The following SH2D4B variants were observed in gnomAD, a reference collection of about 807,000 sequenced individuals.
The protein encoded by SH2D4B is SH2 domain-containing protein 4B.
In SH2D4B, 45 loss-of-function variants were observed where a neutral mutation model predicts 61.5. The ratio of observed to expected loss-of-function variants is 0.73; its 90% CI spans 0.58 to 0.94. SH2D4B has a LOEUF of 0.94. Ranked by LOEUF, SH2D4B falls within the 40% of genes least tolerant of loss-of-function variation. The pLI is 0.00. For synonymous variants in SH2D4B, 224 were observed against 220.4 expected, an observed-to-expected ratio of 1.02 and a Z score of -0.14; for missense variants, 572 against 574.2, an observed-to-expected ratio of 1.00 and a Z score of 0.04.
intron 5 of SH2D4B, among the ~76,000 whole-genome samples, chr10:80,604,845 G>A (rs749557544): frequency 6.6e-5 from 10 of 151,162 alleles, no homozygotes; most frequent in Non-Finnish European, 1.5e-4. Flanking sequence ...CCAGGCTGGA[G>A]TGCAGTGGCG....
At chr10:80,586,247 T>C (rs1193101965) in intron 3 of SH2D4B, among the ~76,000 whole-genome samples, 1 of 152,076 alleles carries the variant, frequency 6.6e-6, no homozygotes, top group Non-Finnish European at 1.5e-5. Context: ...ACCCAAGAGC[T>C]GAGGAGTGTG....
intron 1 of SH2D4B, among the ~76,000 whole-genome samples, chr10:80,569,221 C>T (rs1842008020): frequency 1.3e-5 from 2 of 152,194 alleles, no homozygotes; most frequent in African/African-American, 4.8e-5. Context: ...ACACCACCAC[C>T]TGATTCCTTG....
chr10:80,567,096 T>C (rs1841979686), intron 1 of SH2D4B, among the ~76,000 whole-genome samples: 1 of 152,212 alleles, frequency 6.6e-6, no homozygotes, highest in Admixed American at 6.5e-5. Context: ...TTTCGAATAT[T>C]GGATCATGGA....
At chr10:80,562,919 T>TGTTTTTTTG (rs1564769032) in intron 1 of SH2D4B, among the ~76,000 whole-genome samples, 1 of 113,220 alleles carries the variant, frequency 8.8e-6, no homozygotes, top group Non-Finnish European at 1.8e-5. Context: ...TTTTTTTTTT[T>TGTTTTTTTG]GAGACGGAGT....
rs1842687322 is a variant in SH2D4B at position 80,618,957 on chromosome 10, G to C, written c.988+9406G>C. On this transcript the variant is annotated intron_variant, in intron 6 of 7. Transcript: ENST00000646907. The stretch of plus-strand genomic sequence containing the variant: ...GGATTTATGGCTCTGTTATTGCAGA[G>C]TGTCTTCTGAAAGTATACTTACAAT... Among the ~76,000 whole-genome samples the C allele has an allele frequency of 2.0e-5, 3 of 152,336 alleles. No homozygotes were observed. In the South Asian group the frequency reaches 6.2e-4, roughly 32 times the overall value.
chr10:80,593,405 C>G (rs1254422117), intron 4 of SH2D4B, among the ~76,000 whole-genome samples: 1 of 152,180 alleles, frequency 6.6e-6, no homozygotes, highest in Admixed American at 6.5e-5. Flanking sequence ...AGTGTAGAAG[C>G]CTTGCCCTTG....
intron 1 of SH2D4B, among the ~76,000 whole-genome samples, chr10:80,542,493 G>A (rs537825075): frequency 3.3e-5 from 5 of 150,928 alleles, no homozygotes; most frequent in African/African-American, 1.2e-4. Flanking sequence ...TGCCTCCCGG[G>A]TTCAAGCGAT....
At chr10:80,632,718 C>G (rs918847207) in intron 6 of SH2D4B, among the ~76,000 whole-genome samples, 1 of 152,050 alleles carries the variant, frequency 6.6e-6, no homozygotes, top group African/African-American at 2.4e-5. Context: ...TTTGAGGGAT[C>G]CTGGACTTTC....
rs1841546828 is a variant in SH2D4B at position 80,539,226 on chromosome 10, G to T, written c.184+711G>T. Among the ~76,000 whole-genome samples the T allele has an allele frequency of 6.6e-6, 1 of 152,186 alleles. No individual in the cohort carries two copies. Among genetic ancestry groups the T allele is most frequent in the African/African-American group, 2.4e-5 (1 of 41,464 alleles). On this transcript the variant is annotated intron_variant, in intron 1 of 7. Coordinates refer to ENST00000646907, the MANE Select transcript of SH2D4B (RefSeq NM_001388272.1). The surrounding 1 kb of genome is among the most constrained non-coding windows in gnomAD (Gnocchi z 4.9). ...GTGAAGGAAATCATCCAGGACCCCT[G>T]GGCCAGAAACTGGCAGGCTGCTGAG...
chr10:80,643,939 T>C, intron 7 of SH2D4B, 54 bp from the exon 8 acceptor site: 1 of 1,358,726 alleles, frequency 7.4e-7, no homozygotes, highest in Non-Finnish European at 1.0e-6. Flanking sequence ...CTCTCATAGA[T>C]GTGTATTTCC....
chr10:80,609,727 A>T (rs1051491806), intron 6 of SH2D4B, among the ~76,000 whole-genome samples, 176 bp downstream of exon 6: 3 of 152,226 alleles, frequency 2.0e-5, no homozygotes, highest in Non-Finnish European at 4.4e-5. Context: ...AGGGATGCTG[A>T]ACGGGCCTCC....
At chr10:80,628,472 G>A (rs12246025) in intron 6 of SH2D4B, among the ~76,000 whole-genome samples, 8,171 of 152,144 alleles carry the variant, frequency 0.054, 330 homozygotes, top group African/African-American at 0.11. Context: ...CTGTAAGTTC[G>A]ATAAACTTTT....
intron 3 of SH2D4B, among the ~76,000 whole-genome samples, chr10:80,580,861 C>T (rs761591160): frequency 1.3e-5 from 2 of 152,064 alleles, no homozygotes; most frequent in African/African-American, 2.4e-5. Flanking sequence ...CAGAGCAAGG[C>T]GATTAATTCC....
intron 6 of SH2D4B, among the ~76,000 whole-genome samples, chr10:80,622,304 T>C (rs1842723230): frequency 6.6e-6 from 1 of 152,330 alleles, no homozygotes; most frequent in South Asian, 2.1e-4. Flanking sequence ...TATCACCTTA[T>C]AGGGAAGTTG....
rs769889242 is a variant in SH2D4B, at chr10:80,603,626, C to T, written c.691C>T (p.Arg231Cys). The T allele has an allele frequency of 1.1e-5, 17 of 1,588,714 alleles. No homozygotes were observed. Among genetic ancestry groups the T allele is most frequent in the Middle Eastern group, 1.8e-4 (1 of 5,486 alleles). The stretch of plus-strand genomic sequence containing the variant: ...TGAGGAGAGGAGCCGCCGAGCCCAG[C>T]GCGCCCGGGACGAGTACCGACACCA... ...ADEERSRRAQ[R>C]ARDEYRHHSL... The change falls in exon 5 of 8, where the codon CGC (arginine) becomes TGC (cysteine). Residue 231 changes from arginine to cysteine, a missense_variant. Coordinates refer to ENST00000646907, the MANE Select transcript of SH2D4B (RefSeq NM_001388272.1).
At chr10:80,590,666 G>A (rs991828993) in intron 4 of SH2D4B, among the ~76,000 whole-genome samples, 1 of 152,038 alleles carries the variant, frequency 6.6e-6, no homozygotes, top group African/African-American at 2.4e-5. Context: ...CAGCCTTCTG[G>A]TCCTCAGCAT....
At chr10:80,557,553 C>T (rs115905233) in intron 1 of SH2D4B, among the ~76,000 whole-genome samples, 1 of 152,122 alleles carries the variant, frequency 6.6e-6, no homozygotes, top group Non-Finnish European at 1.5e-5. Context: ...TAGAGCTATT[C>T]AAGGTGTATG....
intron 1 of SH2D4B, among the ~76,000 whole-genome samples, chr10:80,547,460 C>G (rs552350013): frequency 6.6e-6 from 1 of 152,212 alleles, no homozygotes; most frequent in East Asian, 1.9e-4. Context: ...ACTGGGAAGT[C>G]AGGGGAGCAG....
chr10:80,620,397 A>C (rs1301255742), intron 6 of SH2D4B, among the ~76,000 whole-genome samples: 1 of 152,206 alleles, frequency 6.6e-6, no homozygotes, highest in Non-Finnish European at 1.5e-5. Context: ...CCCAGCCATG[A>C]AGGTCATGGA....
Sources: allele counts gnomAD v4.1 joint callset (sites outside exome capture counted in the v4.1 genomes callset), GRCh38; gene constraint gnomAD v4.1.1; non-coding constraint Gnocchi (gnomAD v3.1); transcripts MANE v1.5; gene names NCBI Gene and HGNC (gene_info 2026-07-23, HGNC 2026-07-21).